The following CSMD3 variants were observed in gnomAD, a reference collection of about 807,000 sequenced individuals.
CSMD3 encodes the protein CUB and Sushi multiple domains 3, also known as CUB and sushi domain-containing protein 3.
CSMD3 carries 177 observed loss-of-function variants against 435.2 expected under a neutral mutation model. The observed-to-expected ratio is 0.41, with a 90% CI of 0.36 to 0.46. The LOEUF is 0.46. Ranked by LOEUF, CSMD3 falls within the 20% of genes least tolerant of loss-of-function variation. CSMD3 has a pLI of 0.34. For missense variants in CSMD3, 4,265 were observed against 4,504.6 expected (o/e 0.95, Z 1.52); for synonymous variants, 1,656 against 1,520.5 (o/e 1.09, Z -2.07).
chr8:113,165,413 C>A (rs2092130639), intron 4 of CSMD3, among the ~76,000 whole-genome samples: 1 of 152,080 alleles, frequency 6.6e-6, no homozygotes, highest in Non-Finnish European at 1.5e-5. Context: ...AGAAAATTTA[C>A]TTTAAAATTC....
At chr8:112,415,226 A>G (rs1811778690) in intron 32 of CSMD3, among the ~76,000 whole-genome samples, 1 of 152,224 alleles carries the variant, frequency 6.6e-6, no homozygotes, top group Admixed American at 6.5e-5. Flanking sequence ...TGCTCTGTGC[A>G]GCCTCAGGAC....
chr8:112,932,409 G>C (rs1020859578), intron 9 of CSMD3, among the ~76,000 whole-genome samples: 7 of 152,138 alleles, frequency 4.6e-5, no homozygotes, highest in Non-Finnish European at 8.8e-5. Flanking sequence ...GACATAGAAA[G>C]TAGAAAGATA....
At chr8:112,817,072 G>A (rs565964960) in intron 12 of CSMD3, among the ~76,000 whole-genome samples, 1 of 151,900 alleles carries the variant, frequency 6.6e-6, no homozygotes, top group Non-Finnish European at 1.5e-5. Flanking sequence ...GTCATCCAAC[G>A]TTAGTGCATA....
At chr8:112,343,521 AT>A (rs1031302424) in intron 41 of CSMD3, among the ~76,000 whole-genome samples, 11 of 151,972 alleles carry the variant, frequency 7.2e-5, no homozygotes, top group South Asian at 4.2e-4. Flanking sequence ...GGCATGTTTA[AT>A]TTTTTTTAGC....
At chr8:113,211,239 T>C (rs1333788735) in intron 3 of CSMD3, among the ~76,000 whole-genome samples, 1 of 152,166 alleles carries the variant, frequency 6.6e-6, no homozygotes, top group Non-Finnish European at 1.5e-5. Context: ...TTTTAATAAT[T>C]TTAGTGTGTG....
At chr8:113,026,875 C>T (rs1021705218) in intron 5 of CSMD3, among the ~76,000 whole-genome samples, 2 of 152,100 alleles carry the variant, frequency 1.3e-5, no homozygotes, top group African/African-American at 4.8e-5. Flanking sequence ...ATAACTCTTC[C>T]TATGGCATGT....
intron 23 of CSMD3, among the ~76,000 whole-genome samples, chr8:112,584,292 C>A (rs1043434011): frequency 1.3e-5 from 2 of 151,540 alleles, no homozygotes; most frequent in Non-Finnish European, 3.0e-5. Flanking sequence ...TGTAGAGGAA[C>A]TGAATCAGAA....
intron 10 of CSMD3, among the ~76,000 whole-genome samples, chr8:112,909,687 G>A (rs2130520682): frequency 6.6e-6 from 1 of 151,778 alleles, no homozygotes; most frequent in Non-Finnish European, 1.5e-5. Flanking sequence ...GGCTGAAAAG[G>A]GACAGTGGGA....
rs542290135 is a variant in CSMD3, at chr8:112,719,603, T to G, written c.1973-29553A>C. On this transcript the variant is annotated intron_variant, in intron 13 of 70. Transcript: ENST00000297405. ...TCTTAGAAGGGCACTGATCCCATCA[T>G]GAGAGCTTGACTTTTCAAAGGCCCC... Among the ~76,000 whole-genome samples, 245 of 152,220 alleles carry G rather than the reference T, an allele frequency of 1.6e-3. 1 individual carries two copies. The highest frequency in any genetic ancestry group is 5.7e-3 in the African/African-American group (235 of 41,546).
chr8:112,506,933 T>C (rs184547869), intron 28 of CSMD3, 104 bp from the exon 29 acceptor site: 1 of 989,630 alleles, frequency 1.0e-6, no homozygotes. Context: ...TGAGGCTTTG[T>C]ACAGACCTGA....
chr8:112,565,933 T>C (rs1829024545), intron 24 of CSMD3, among the ~76,000 whole-genome samples: 1 of 151,936 alleles, frequency 6.6e-6, no homozygotes, highest in Non-Finnish European at 1.5e-5. Context: ...AATAAGTCTT[T>C]CCCCGATAGT....
chr8:112,751,610 T>G (rs959091339), intron 13 of CSMD3, among the ~76,000 whole-genome samples: 1 of 150,958 alleles, frequency 6.6e-6, no homozygotes, highest in African/African-American at 2.4e-5. Flanking sequence ...TATACTTTTT[T>G]CAAAATAAGA....
chr8:113,096,260 A>G (rs2090159671), intron 5 of CSMD3, among the ~76,000 whole-genome samples: 1 of 152,140 alleles, frequency 6.6e-6, no homozygotes, highest in Admixed American at 6.6e-5. Flanking sequence ...ATGTTTCATC[A>G]ATAGCCTTCC....
intron 4 of CSMD3, among the ~76,000 whole-genome samples, chr8:113,112,615 G>C (rs958603931): frequency 6.6e-6 from 1 of 151,272 alleles, no homozygotes; most frequent in Non-Finnish European, 1.5e-5. Flanking sequence ...TCATGAGACC[G>C]AAGTCACTGC....
chr8:112,418,038 C>T (rs752670138), intron 32 of CSMD3, among the ~76,000 whole-genome samples: 9 of 152,128 alleles, frequency 5.9e-5, no homozygotes, highest in Non-Finnish European at 1.3e-4. Context: ...TGTATCACCC[C>T]TGTTTTGCTC....
At chr8:112,830,270 T>G (rs564649804) in intron 11 of CSMD3, among the ~76,000 whole-genome samples, 1 of 152,306 alleles carries the variant, frequency 6.6e-6, no homozygotes, top group Non-Finnish European at 1.5e-5. Flanking sequence ...AGAGCTAAAC[T>G]TGAATCTAGA....
intron 22 of CSMD3, among the ~76,000 whole-genome samples, chr8:112,607,743 T>C (rs1275929287): frequency 6.6e-6 from 1 of 152,108 alleles, no homozygotes; most frequent in East Asian, 1.9e-4. Context: ...AAAAATCACT[T>C]GACAAAATTC....
At chr8:113,407,461 A>G (rs34678450) in intron 1 of CSMD3, among the ~76,000 whole-genome samples, 70,270 of 151,806 alleles carry the variant, frequency 0.46, 16,595 homozygotes, top group Middle Eastern at 0.54. Context: ...TTTGCACTGC[A>G]TAGACTCAAT....
At position 112,336,766 on chromosome 8, in the gene CSMD3, T is replaced by A. The variant is rs1345112706; in HGVS notation, c.6905A>T (p.Glu2302Val). ...GTIYSPGYPD[E>V]YPNFQDCFWL... ...AAAACAATCTTGAAAGTTTGGATAT[T>A]CATCAGGATACCCAGGAGAATAAAT... Residue 2302 changes from glutamate (E) to valine (V), a missense_variant, in exon 44 of 71, where the codon GAA becomes GTA. Glu to Val is a moderately radical substitution (Grantham distance 121, BLOSUM62 -2). This residue lies in a region of CSMD3 where 3,255 missense variants were observed against 3,380.2 expected (regional missense o/e 0.96). Transcript: ENST00000297405. 1 of 1,612,852 alleles carries A rather than the reference T, an allele frequency of 6.2e-7. No individual in the cohort carries two copies. Among genetic ancestry groups the A allele is most frequent in the South Asian group, 1.1e-5 (1 of 91,062 alleles).
Sources: allele counts gnomAD v4.1 joint callset (sites outside exome capture counted in the v4.1 genomes callset), GRCh38; gene constraint gnomAD v4.1.1; regional missense constraint gnomAD v4.1.1; transcripts MANE v1.5; gene names NCBI Gene and HGNC (gene_info 2026-07-23, HGNC 2026-07-21).